The following PALM2AKAP2 variants were observed in gnomAD, a reference collection of about 807,000 sequenced individuals.
PALM2AKAP2 encodes PALM2 and AKAP2 fusion, also known as PALM2-AKAP2 fusion protein.
PALM2AKAP2 carries 37 observed loss-of-function variants against 71.5 expected under a neutral mutation model. The ratio of observed to expected loss-of-function variants is 0.52; its 90% confidence interval spans 0.40 to 0.68. The LOEUF is 0.68. PALM2AKAP2 is among the 30% of genes least tolerant of loss of function. The probability of loss-of-function intolerance (pLI) is 0.00; values close to 1 mark genes in which losing one functional copy is unlikely to be tolerated. For missense variants in PALM2AKAP2, 1,224 were observed against 1,191.8 expected (o/e 1.03, Z -0.40); for synonymous variants, 468 against 478.8 (o/e 0.98, Z 0.29).
chr9:110,080,174 C>G (rs1236148211), intron 1 of PALM2AKAP2, among the ~76,000 whole-genome samples: 1 of 151,712 alleles, frequency 6.6e-6, no homozygotes, highest in East Asian at 1.9e-4. Flanking sequence ...CATTCAGCAG[C>G]TACTACACGC....
intron 6 of PALM2AKAP2, among the ~76,000 whole-genome samples, chr9:109,956,594 T>C (rs369429356): frequency 3.0e-4 from 45 of 152,222 alleles, no homozygotes; most frequent in African/African-American, 1.1e-3. Context: ...AAATTCTAAC[T>C]ATAGCTCAGA....
intron 5 of PALM2AKAP2, among the ~76,000 whole-genome samples, chr9:109,926,807 C>T (rs1296332962): frequency 6.6e-6 from 1 of 152,104 alleles, no homozygotes; most frequent in Non-Finnish European, 1.5e-5. Flanking sequence ...GGCATGGAGA[C>T]CTGTCATACT....
chr9:110,125,202 C>T (rs1346365932), intron 1 of PALM2AKAP2, among the ~76,000 whole-genome samples: 1 of 152,098 alleles, frequency 6.6e-6, no homozygotes, highest in Admixed American at 6.5e-5. Flanking sequence ...ATATCAATTC[C>T]CTGCTTGTCC....
intron 3 of PALM2AKAP2, among the ~76,000 whole-genome samples, chr9:109,889,536 T>C (rs1000227904): frequency 1.1e-4 from 16 of 152,158 alleles, no homozygotes; most frequent in African/African-American, 3.9e-4. Flanking sequence ...CCCTGCCCTA[T>C]CCTCCAAGGA....
chr9:110,049,297 G>A (rs1833663170), intron 1 of PALM2AKAP2, among the ~76,000 whole-genome samples: 1 of 152,160 alleles, frequency 6.6e-6, no homozygotes, highest in Non-Finnish European at 1.5e-5. Context: ...GGAAGGCGCG[G>A]GTCCTGCCTT....
chr9:109,757,272 T>A (rs182431777), intron 1 of PALM2AKAP2, among the ~76,000 whole-genome samples: 86 of 152,238 alleles, frequency 5.6e-4, no homozygotes, highest in African/African-American at 2.0e-3. Flanking sequence ...TCCAGTTCCA[T>A]CACATTGCTT....
At chr9:109,751,652 A>G (rs529120663) in intron 1 of PALM2AKAP2, among the ~76,000 whole-genome samples, 1 of 152,296 alleles carries the variant, frequency 6.6e-6, no homozygotes, top group East Asian at 1.9e-4. Context: ...CAGTTCAATC[A>G]TGCTCTCAAT....
chr9:109,990,411 C>T (rs1832456513), intron 6 of PALM2AKAP2, among the ~76,000 whole-genome samples: 1 of 152,164 alleles, frequency 6.6e-6, no homozygotes, highest in Non-Finnish European at 1.5e-5. Context: ...GAAGATGCAA[C>T]AGGCTGCACT....
chr9:110,134,807 A>G (rs1385362533), intron 1 of PALM2AKAP2, among the ~76,000 whole-genome samples: 1 of 152,156 alleles, frequency 6.6e-6, no homozygotes, highest in Non-Finnish European at 1.5e-5. Context: ...TGTCAATAAT[A>G]CCAGGCACAT....
intron 1 of PALM2AKAP2, among the ~76,000 whole-genome samples, chr9:109,851,232 G>A (rs1037037950): frequency 7.7e-5 from 11 of 142,648 alleles, no homozygotes; most frequent in Admixed American, 4.1e-4. Flanking sequence ...ACACTACCTG[G>A]TAGTGTTTAC....
chr9:109,867,541 C>T (rs758818041), exon 2 of PALM2AKAP2: 16 of 1,612,708 alleles, frequency 9.9e-6, no homozygotes, highest in South Asian at 5.5e-5. Context: ...AACAGCTTGA[C>T]GAGCAGATAC....
intron 1 of PALM2AKAP2, among the ~76,000 whole-genome samples, chr9:109,852,715 T>C (rs747689733): frequency 7.2e-5 from 11 of 152,218 alleles, no homozygotes; most frequent in Non-Finnish European, 1.5e-4. Context: ...GACGTTTTAA[T>C]AGTAGCCATT....
chr9:109,977,479 G>A (rs1832192121), intron 6 of PALM2AKAP2, among the ~76,000 whole-genome samples: 1 of 152,162 alleles, frequency 6.6e-6, no homozygotes, highest in Admixed American at 6.5e-5. Flanking sequence ...TGAGCCTGAT[G>A]TGCCTCTTAA....
In PALM2AKAP2 at chr9:109,773,936, G is replaced by A. The variant is rs74511133; in HGVS notation, c.6-6552G>A. 8.5e-3 allele frequency among the ~76,000 whole-genome samples: 1,208 copies of A among 141,328 alleles called. 7 individuals are homozygous for A. The highest frequency in any genetic ancestry group is 0.012 in the Non-Finnish European group (820 of 65,638). The allele number at this position is 141,328 out of a possible 152,430, so 92.7% of individuals were successfully genotyped here. On this transcript the variant is annotated intron_variant, in intron 1 of 6. Transcript: ENST00000374531. ...TGTCATTCCCAAAGGTGTCAGGCAG[G>A]CACAGCATCCATAGGTGGTAGGAGC... is the stretch of plus-strand genomic sequence containing the variant.
chr9:109,896,361 C>T (rs145282964), intron 3 of PALM2AKAP2, among the ~76,000 whole-genome samples: 16 of 152,008 alleles, frequency 1.1e-4, no homozygotes, highest in Admixed American at 2.0e-4. Flanking sequence ...GGGGACACAA[C>T]GAAACCATAT....
chr9:109,873,602 A>C (rs1339768618), intron 2 of PALM2AKAP2, among the ~76,000 whole-genome samples: 1 of 152,250 alleles, frequency 6.6e-6, no homozygotes. Flanking sequence ...AAATCATGAA[A>C]GTACACAAAG....
chr9:109,785,469 C>T (rs1417435501), intron 1 of PALM2AKAP2, among the ~76,000 whole-genome samples: 2 of 152,126 alleles, frequency 1.3e-5, no homozygotes, highest in Non-Finnish European at 2.9e-5. Context: ...TGTATTAGTC[C>T]GTTTTCACCG....
intron 1 of PALM2AKAP2, among the ~76,000 whole-genome samples, chr9:109,746,019 A>G (rs1383514938): frequency 6.6e-6 from 1 of 152,232 alleles, no homozygotes; most frequent in African/African-American, 2.4e-5. Context: ...TTTGCCGTGA[A>G]GTGTGCTGTA....
chr9:109,687,279 T>A (rs1030853866), intron 1 of PALM2AKAP2, among the ~76,000 whole-genome samples: 1 of 152,224 alleles, frequency 6.6e-6, no homozygotes, highest in Non-Finnish European at 1.5e-5. Flanking sequence ...AAGTCATGCA[T>A]TGACTTCTCC....
Sources: allele counts gnomAD v4.1 joint callset (sites outside exome capture counted in the v4.1 genomes callset), GRCh38; gene constraint gnomAD v4.1.1; transcripts MANE v1.5; gene names NCBI Gene and HGNC (gene_info 2026-07-23, HGNC 2026-07-21).